Variants in RMDN3 observed in about 807,000 individuals in gnomAD.
RMDN3 encodes the protein regulator of microtubule dynamics protein 3.
A neutral mutation model predicts 61.8 loss-of-function variants in RMDN3; 41 were observed. The observed-to-expected ratio is 0.66, with a 90% CI of 0.52 to 0.86. The LOEUF is 0.86. Among genes scored for constraint, RMDN3 ranks in the 40% least tolerant of loss-of-function variants. The pLI is 0.00. For missense variants in RMDN3, 557 were observed against 585.3 expected, an observed-to-expected ratio of 0.95 and a Z score of 0.50; for synonymous variants, 247 against 232.0, an observed-to-expected ratio of 1.06 and a Z score of -0.59.
rs954172930 is a variant in RMDN3, at chr15:40,752,038, C to T, written c.328G>A (p.Glu110Lys). 3 of 1,614,226 alleles carry T rather than the reference C, an allele frequency of 1.9e-6. No homozygotes were observed. The highest frequency in any genetic ancestry group is 2.5e-6 in the Non-Finnish European group (3 of 1,180,030). ...SLVALRREVE[E>K]LRSSLRGLAG... Reference sequence around the variant, plus strand: ...AGCCCTCGCAGGCTGCTTCTCAGCTCCTCCACCTCCCGCCGCAGCGCCACA... The same window carrying T: ...AGCCCTCGCAGGCTGCTTCTCAGCTTCTCCACCTCCCGCCGCAGCGCCACA... The change falls in exon 3 of 13, where the codon GAG (glutamate) becomes AAG (lysine). Residue 110 changes from glutamate to lysine, a missense_variant. Glu to Lys is a moderately conservative substitution (Grantham distance 56). Transcript: ENST00000338376.
intron 4 of RMDN3, among the ~76,000 whole-genome samples, chr15:40,750,219 T>TTG (rs1555379334): frequency 1.4e-5 from 2 of 140,584 alleles, no homozygotes; most frequent in African/African-American, 5.8e-5. Context: ...CGTTTTTTTT[T>TTG]TTTTTTTTTT....
At position 40,751,720 on chromosome 15, in the gene RMDN3, G is replaced by GGCA. The variant is rs769697018; in HGVS notation, c.381-154_381-152dup. 32 of 1,211,690 alleles carry GGCA rather than the reference G, an allele frequency of 2.6e-5. No individual in the cohort carries two copies. The South Asian group carries it at 4.0e-4, about 15-fold the overall frequency. The allele number at this position is 1,211,690 out of a possible 1,614,324, so 75.1% of individuals were successfully genotyped here. A position where few individuals can be genotyped will look rare whatever the true frequency, so the allele number is the denominator to read the frequency against. On this transcript the variant is annotated intron_variant, in intron 3 of 12. Transcript: ENST00000338376. ...CTCTAACCCTCAGGAGGGCAAGCAG[G>GGCA]GCAGCTTCCTGGGCCCAGCCCGCAC...
At chr15:40,754,835 G>A in intron 1 of RMDN3, 45 bp from the exon 2 acceptor site, 1 of 1,394,590 alleles carries the variant, frequency 7.2e-7, no homozygotes, top group Non-Finnish European at 9.7e-7. Context: ...CGGGCGGGCG[G>A]GCGGGGGTAA....
chr15:40,738,624 T>C, intron 7 of RMDN3, 48 bp from the exon 8 acceptor site: 1 of 1,584,050 alleles, frequency 6.3e-7, no homozygotes, highest in Non-Finnish European at 8.7e-7. Context: ...GTACCATCAC[T>C]GCAAGGAATG....
intron 2 of RMDN3, among the ~76,000 whole-genome samples, chr15:40,753,097 G>A (rs779683052): frequency 6.6e-6 from 1 of 152,092 alleles, no homozygotes; most frequent in African/African-American, 2.4e-5. Flanking sequence ...ATTACCACAA[G>A]ATTATAAAAT....
At chr15:40,748,547 A>AC (rs1384334146) in intron 4 of RMDN3, among the ~76,000 whole-genome samples, 3 of 152,216 alleles carry the variant, frequency 2.0e-5, no homozygotes, top group East Asian at 3.9e-4. Context: ...GCAGTGAAGG[A>AC]CCCCCAGGTG....
chr15:40,741,619 G>GGTTTTTTTTTTTTTT (rs1333820266), intron 6 of RMDN3, among the ~76,000 whole-genome samples: 1 of 60,990 alleles, frequency 1.6e-5, no homozygotes. Flanking sequence ...TGCAACATAG[G>GGTTTTTTTTTTTTTT]ATTTTTTTTT....
Position 40,745,097 on chromosome 15 carries a change from A to T in RMDN3, c.687T>A (p.Ala229=), listed in dbSNP as rs779779768. ...AASGASSALE[A]GGSSGLEDVL... is the part of the protein sequence containing the mutation. ...CATCCTCCAAGCCTGAGGAACCTCC[A>T]GCCTCCAGGGCACTGGAGGCACCTG... The change falls in exon 5 of 13, where the codon GCT becomes GCA. Residue 229 remains alanine (A), a synonymous_variant. Coordinates refer to ENST00000338376, the MANE Select transcript of RMDN3 (RefSeq NM_018145.3). 3 of 1,614,040 alleles carry T rather than the reference A, an allele frequency of 1.9e-6. No individual in the cohort carries two copies. Among genetic ancestry groups the T allele is most frequent in the Non-Finnish European group, 2.5e-6 (3 of 1,180,024 alleles).
At chr15:40,743,938 C>G in intron 6 of RMDN3, 109 bp downstream of exon 6, 1 of 877,736 alleles carries the variant, frequency 1.1e-6, no homozygotes, top group Non-Finnish European at 1.7e-6. Flanking sequence ...GGTAACTGAG[C>G]CACAACTGCT....
At chr15:40,737,927 T>G in intron 9 of RMDN3, 38 bp downstream of exon 9, 1 of 1,607,130 alleles carries the variant, frequency 6.2e-7, no homozygotes, top group Non-Finnish European at 8.5e-7. Flanking sequence ...TCAGAAGGCA[T>G]TTAGGACCAT....
intron 8 of RMDN3, 58 bp from the exon 9 acceptor site, chr15:40,738,100 G>T: frequency 6.4e-7 from 1 of 1,567,770 alleles, no homozygotes; most frequent in Non-Finnish European, 8.8e-7. Context: ...TAAAAGAGAG[G>T]CAAGGGCCGG....
intron 2 of RMDN3, among the ~76,000 whole-genome samples, chr15:40,753,526 GAAAAGAAA>G (rs1482269984): frequency 1.3e-5 from 2 of 148,796 alleles, no homozygotes; most frequent in African/African-American, 2.6e-5. Flanking sequence ...AAAAAGAAAA[GAAAAGAAA>G]AAAGAAAAGA....
At chr15:40,751,284 G>A (rs1430316324) in intron 4 of RMDN3, 142 bp downstream of exon 4, 43 of 1,042,318 alleles carry the variant, frequency 4.1e-5, no homozygotes, top group Non-Finnish European at 5.6e-5. Context: ...TGGGTTTTTT[G>A]TTTCAACTCT....
In RMDN3 at chr15:40,745,163, C is replaced by T; in HGVS notation, c.621G>A (p.Met207Ile). The T allele has an allele frequency of 1.9e-6, 3 of 1,614,148 alleles. No homozygotes were observed. The highest frequency in any genetic ancestry group is 1.1e-5 in the South Asian group (1 of 91,076). The change falls in exon 5 of 13, where the codon ATG (methionine) becomes ATA (isoleucine). Residue 207 changes from methionine to isoleucine, a missense_variant. By Grantham distance (10) the Met-to-Ile change is conservative. Coordinates refer to ENST00000338376, the MANE Select transcript of RMDN3 (RefSeq NM_018145.3). ...CCAAGTCAAGAGAATCCTTTCTCCC[C>T]ATCTTCACAGTCTCACAGCTCACTT... is the stretch of plus-strand genomic sequence containing the variant. ...EDEVSCETVKMGRKDSLDLEE... is the reference protein window; with the variant it reads ...EDEVSCETVKIGRKDSLDLEE...
intron 7 of RMDN3, 178 bp from the exon 8 acceptor site, chr15:40,738,754 TA>T: frequency 3.2e-6 from 2 of 616,892 alleles, no homozygotes; most frequent in Non-Finnish European, 5.8e-6. Context: ...TGGCCCCAAT[TA>T]GTATTCTTTA....
At position 40,751,967 on chromosome 15, in the gene RMDN3, A is replaced by G. The variant is rs1353256151; in HGVS notation, c.380+19T>C. ...CTGCAGGGGAGGGATAAAGCAGGAG[A>G]AGAAGCCGCATTACTCACCGGACCT... On this transcript the variant is annotated intron_variant, in intron 3 of 12. Coordinates refer to ENST00000338376, the MANE Select transcript of RMDN3 (RefSeq NM_018145.3). 1.9e-6 allele frequency: 3 copies of G among 1,608,576 alleles called. No individual in the cohort carries two copies. The highest frequency in any genetic ancestry group is 2.7e-5 in the African/African-American group (2 of 74,802).
rs894015206 is a variant in RMDN3 at position 40,751,991 on chromosome 15, C to T, written c.375G>A (p.Glu125=). The T allele has an allele frequency of 1.2e-6, 2 of 1,613,422 alleles. No homozygotes were observed. The highest frequency in any genetic ancestry group is 2.7e-5 in the African/African-American group (2 of 74,936). ...LRGLAGEIVG[E]VRCHMEENQR... is the part of the protein sequence containing the mutation. Reference sequence around the variant, plus strand: ...GAAGAAGCCGCATTACTCACCGGACCTCCCCAACAATCTCCCCCGCAAGCC... The same window carrying T: ...GAAGAAGCCGCATTACTCACCGGACTTCCCCAACAATCTCCCCCGCAAGCC... Residue 125 remains glutamate (E), a synonymous_variant, in exon 3 of 13, where the codon GAG becomes GAA. Transcript: ENST00000338376.
intron 9 of RMDN3, 21 bp from the exon 10 acceptor site, chr15:40,737,747 T>G (rs763144882): frequency 6.2e-7 from 1 of 1,609,188 alleles, no homozygotes; most frequent in Non-Finnish European, 8.5e-7. Flanking sequence ...AAGATCAAGG[T>G]GTGTATAAGA....
At chr15:40,750,474 C>A (rs1316276922) in intron 4 of RMDN3, among the ~76,000 whole-genome samples, 6 of 151,998 alleles carry the variant, frequency 3.9e-5, no homozygotes, top group Non-Finnish European at 8.8e-5. Context: ...CCCACCTTGG[C>A]CTCCCCCAGG....
Sources: allele counts gnomAD v4.1 joint callset (sites outside exome capture counted in the v4.1 genomes callset), GRCh38; gene constraint gnomAD v4.1.1; transcripts MANE v1.5; gene names NCBI Gene and HGNC (gene_info 2026-07-23, HGNC 2026-07-21).